Variants in SLC39A9 observed in about 807,000 individuals in gnomAD.
SLC39A9 encodes the protein zinc transporter ZIP9.
A neutral mutation model predicts 28.4 loss-of-function variants in SLC39A9; 14 were observed. The ratio of observed to expected loss-of-function variants is 0.49; its 90% CI spans 0.33 to 0.77. The LOEUF is 0.77. Among genes scored for constraint, SLC39A9 ranks in the 30% least tolerant of loss-of-function variants. SLC39A9 has a pLI of 0.02. For missense variants in SLC39A9, 283 were observed against 381.1 expected, an observed-to-expected ratio of 0.74 and a Z score of 2.14; for synonymous variants, 119 against 149.6, an observed-to-expected ratio of 0.80 and a Z score of 1.49.
chr14:69,427,483 A>C (rs1292371653), intron 2 of SLC39A9, among the ~76,000 whole-genome samples: 1 of 152,234 alleles, frequency 6.6e-6, no homozygotes, highest in Non-Finnish European at 1.5e-5. Flanking sequence ...TTAGGTGTAC[A>C]CATCTACAAG....
Position 69,432,194 on chromosome 14 carries a change from T to G in SLC39A9, c.205+7992T>G, listed in dbSNP as rs544345733. ...CATTCCCATCAACAGTGTATAAGTG[T>G]TCCCTTTTCTCCCTAGCCTTGCCAG... On this transcript the variant is annotated intron_variant, in intron 2 of 6. Coordinates refer to ENST00000336643, the MANE Select transcript of SLC39A9 (RefSeq NM_018375.5). Among the ~76,000 whole-genome samples the G allele has an allele frequency of 4.6e-5, 7 of 152,338 alleles. No homozygotes were observed. In the South Asian group the frequency reaches 1.5e-3, roughly 32 times the overall value.
intron 3 of SLC39A9, among the ~76,000 whole-genome samples, chr14:69,442,785 A>G: frequency 6.6e-6 from 1 of 152,230 alleles, no homozygotes; most frequent in East Asian, 1.9e-4. Flanking sequence ...TTAGTATGCT[A>G]GCTATTACAT....
At chr14:69,436,008 T>G (rs918757203) in intron 2 of SLC39A9, among the ~76,000 whole-genome samples, 5 of 152,162 alleles carry the variant, frequency 3.3e-5, no homozygotes, top group African/African-American at 1.2e-4. Flanking sequence ...CCAGTGAATT[T>G]ACTACTTTAG....
intron 3 of SLC39A9, among the ~76,000 whole-genome samples, chr14:69,450,723 G>A (rs1168424375): frequency 6.6e-6 from 1 of 152,192 alleles, no homozygotes; most frequent in Non-Finnish European, 1.5e-5. Context: ...GCAGTGAGCT[G>A]TGATCGCACC....
intron 2 of SLC39A9, among the ~76,000 whole-genome samples, chr14:69,437,022 C>T (rs1884795756): frequency 1.3e-5 from 2 of 152,118 alleles, no homozygotes; most frequent in Non-Finnish European, 2.9e-5. Context: ...TGCCTGCCAC[C>T]ACACCCGGCT....
chr14:69,427,034 G>T (rs1311265724), intron 2 of SLC39A9, among the ~76,000 whole-genome samples: 7 of 148,094 alleles, frequency 4.7e-5, no homozygotes, highest in African/African-American at 1.5e-4. Context: ...TTTCAGACAG[G>T]GACTCACTCT....
At chr14:69,401,786 TTA>T (rs1882647833) in intron 1 of SLC39A9, among the ~76,000 whole-genome samples, 1 of 152,186 alleles carries the variant, frequency 6.6e-6, no homozygotes, top group Non-Finnish European at 1.5e-5. Context: ...CTGTTTATTA[TTA>T]GAGTAGATGC....
At chr14:69,427,520 T>A (rs564882661) in intron 2 of SLC39A9, among the ~76,000 whole-genome samples, 4 of 152,218 alleles carry the variant, frequency 2.6e-5, no homozygotes, top group African/African-American at 9.6e-5. Flanking sequence ...GAGAGTGATG[T>A]TATCACCACT....
chr14:69,446,896 G>GAAAAAAA (rs75698508), intron 3 of SLC39A9, among the ~76,000 whole-genome samples: 1 of 110,350 alleles, frequency 9.1e-6, no homozygotes. Context: ...AAAAGAAAAA[G>GAAAAAAA]AAAAAAAAAT....
At chr14:69,400,034 C>T (rs1409032590) in intron 1 of SLC39A9, among the ~76,000 whole-genome samples, 1 of 151,986 alleles carries the variant, frequency 6.6e-6, no homozygotes, top group East Asian at 1.9e-4. Context: ...GCACTCCAGC[C>T]TGGACAGCAG....
intron 4 of SLC39A9, chr14:69,454,603 A>G: frequency 2.3e-6 from 1 of 428,444 alleles, no homozygotes; most frequent in Non-Finnish European, 4.1e-6. Context: ...TATGCTCTTT[A>G]CATAAGTTAT....
At chr14:69,435,756 T>A (rs1884711830) in intron 2 of SLC39A9, among the ~76,000 whole-genome samples, 1 of 152,056 alleles carries the variant, frequency 6.6e-6, no homozygotes, top group African/African-American at 2.4e-5. Context: ...TGCTGCAACC[T>A]CTGCCTCCCG....
chr14:69,424,111 G>A lies in SLC39A9; in HGVS notation c.114G>A (p.Val38=). Reference sequence around the variant, plus strand: ...CTCCCCAGGAACGACTGAAGCTGGTGACTGTTTTGGGTGCTGGCCTTCTCT... The same window carrying A: ...CTCCCCAGGAACGACTGAAGCTGGTAACTGTTTTGGGTGCTGGCCTTCTCT... The part of the protein sequence containing the change: ...VNFSEERLKL[V]TVLGAGLLCG... Residue 38 remains valine (V), a synonymous_variant, in exon 2 of 7, where the codon GTG becomes GTA. Coordinates refer to ENST00000336643, the MANE Select transcript of SLC39A9 (RefSeq NM_018375.5). 2.5e-6 allele frequency: 4 copies of A among 1,613,838 alleles called. No homozygotes were observed. The highest frequency in any genetic ancestry group is 2.5e-6 in the Non-Finnish European group (3 of 1,179,808).
At chr14:69,412,172 G>A (rs1294976005) in intron 1 of SLC39A9, among the ~76,000 whole-genome samples, 4 of 151,524 alleles carry the variant, frequency 2.6e-5, no homozygotes, top group Middle Eastern at 3.4e-3. Flanking sequence ...GGTGGATCAC[G>A]AGGTCAGGAG....
At chr14:69,427,156 C>T (rs933271258) in intron 2 of SLC39A9, among the ~76,000 whole-genome samples, 6 of 151,918 alleles carry the variant, frequency 3.9e-5, no homozygotes, top group African/African-American at 1.5e-4. Context: ...GCTCATGACA[C>T]CACACCCAGC....
chr14:69,442,040 T>C, intron 2 of SLC39A9, 29 bp from the exon 3 acceptor site: 1 of 1,596,340 alleles, frequency 6.3e-7, no homozygotes, highest in East Asian at 2.2e-5. Flanking sequence ...GAAAAACATA[T>C]TTTCTCTTTA....
rs1248233445 is a variant in SLC39A9, at chr14:69,455,720, T to G, written c.559-12T>G. 1.9e-6 allele frequency: 3 copies of G among 1,614,112 alleles called. No homozygotes were observed. The highest frequency in any genetic ancestry group is 2.5e-6 in the Non-Finnish European group (3 of 1,180,008). On this transcript the variant is annotated splice_polypyrimidine_tract_variant and intron_variant, in intron 5 of 6. Transcript: ENST00000336643. The stretch of plus-strand genomic sequence containing the variant: ...TCTAGAATGATAATAAGAGATGATT[T>G]TTTATTTCCAGGCACCAGCTGCTTT...
chr14:69,415,881 A>G (rs967636797), intron 1 of SLC39A9, among the ~76,000 whole-genome samples: 3 of 152,162 alleles, frequency 2.0e-5, no homozygotes, highest in African/African-American at 7.2e-5. Flanking sequence ...GTAATGTATC[A>G]GAGATAATAG....
intron 1 of SLC39A9, among the ~76,000 whole-genome samples, chr14:69,404,770 T>G (rs1261602672): frequency 1.3e-5 from 2 of 152,220 alleles, no homozygotes; most frequent in East Asian, 3.8e-4. Flanking sequence ...ACTATTTTTC[T>G]TAGTATTTAA....
Sources: gnomAD v4.1 joint callset for allele counts (sites outside exome capture counted in the v4.1 genomes callset) on GRCh38, gnomAD v4.1.1 for gene constraint, MANE v1.5 for transcripts, NCBI Gene and HGNC (gene_info 2026-07-23, HGNC 2026-07-21) for gene names.